ZNF415: variants seen among roughly 807,000 people sequenced by gnomAD.
The protein encoded by ZNF415 is zinc finger protein 415.
A neutral mutation model predicts 7.3 loss-of-function variants in ZNF415; 5 were observed. The observed-to-expected ratio is 0.69, with a 90% CI of 0.36 to 1.44. The LOEUF is 1.44. Among genes scored for constraint, ZNF415 ranks in the 40% most tolerant of loss-of-function variants. ZNF415 has a pLI of 0.04. For synonymous variants in ZNF415, 207 were observed against 226.3 expected, an observed-to-expected ratio of 0.91 and a Z score of 0.77; for missense variants, 628 against 664.8, an observed-to-expected ratio of 0.94 and a Z score of 0.61.
At chr19:53,113,115 C>T (rs2086474846) in intron 3 of ZNF415, among the ~76,000 whole-genome samples, 1 of 148,498 alleles carries the variant, frequency 6.7e-6, no homozygotes, top group African/African-American at 2.5e-5. Context: ...ATAAAAAATA[C>T]AGAATTTACG....
At chr19:53,123,134 T>C (rs2088415831) in intron 1 of ZNF415, among the ~76,000 whole-genome samples, 1 of 152,054 alleles carries the variant, frequency 6.6e-6, no homozygotes, top group African/African-American at 2.4e-5. Flanking sequence ...TGTTGGGCAC[T>C]GTATTATCGA....
chr19:53,125,539 T>C (rs1421899644), intron 1 of ZNF415, among the ~76,000 whole-genome samples: 1 of 152,080 alleles, frequency 6.6e-6, no homozygotes, highest in African/African-American at 2.4e-5. Flanking sequence ...GGTGTCACTA[T>C]GTTACCTAGG....
chr19:53,128,088 TCCATGCC>T lies in ZNF415; in HGVS notation c.-68+4761_-68+4767del, dbSNP rs530146860. ...GGCTCATCTAGAGGCCCACCTTGCTTCCATGCCCCTATGTGACACCTCCAAGAATGCT... is the reference window on the plus strand; with the variant it reads ...GGCTCATCTAGAGGCCCACCTTGCTTCCTATGTGACACCTCCAAGAATGCT... On this transcript the variant is annotated intron_variant, in intron 1 of 3. Coordinates refer to ENST00000243643, the MANE Select transcript of ZNF415 (RefSeq NM_018355.4). Among the ~76,000 whole-genome samples the T allele has an allele frequency of 5.9e-5, 9 of 152,092 alleles. No individual in the cohort carries two copies. In the South Asian group the frequency reaches 1.2e-3, roughly 21 times the overall value.
Position 53,130,532 on chromosome 19 carries a change from A to G in ZNF415, c.-68+2324T>C, listed in dbSNP as rs191468474. On this transcript the variant is annotated intron_variant, in intron 1 of 3. Transcript: ENST00000243643. ...AAAGTTACTTTGGAAATAATTATAT[A>G]CAGAAAAATAGAAACTGAATTAATG... 5.0e-3 allele frequency among the ~76,000 whole-genome samples: 759 copies of G among 152,370 alleles called. 12 individuals are homozygous for G. The highest frequency in any genetic ancestry group is 0.017 in the African/African-American group (725 of 41,590).
At chr19:53,124,250 AG>A in intron 1 of ZNF415, 1 of 152,532 alleles carries the variant, frequency 6.6e-6, no homozygotes, top group Non-Finnish European at 1.5e-5. Flanking sequence ...AAAAAAAAAA[AG>A]AGGTTTATTT....
At position 53,108,363 on chromosome 19, in the gene ZNF415, A is replaced by C; in HGVS notation, c.*14T>G. On this transcript the variant is annotated 3_prime_UTR_variant, in exon 4 of 4. Coordinates refer to ENST00000243643, the MANE Select transcript of ZNF415 (RefSeq NM_018355.4). ...ACTCACAGGATTTAAACTTTGACTGAAGACCTTGCCATATTAATTTCTTTT... is the reference window on the plus strand; with the variant it reads ...ACTCACAGGATTTAAACTTTGACTGCAGACCTTGCCATATTAATTTCTTTT... The C allele has an allele frequency of 6.3e-7, 1 of 1,581,576 alleles. No homozygotes were observed. Among genetic ancestry groups the C allele is most frequent in the South Asian group, 1.2e-5 (1 of 85,478 alleles).
chr19:53,116,129 G>A (rs1412169527), intron 3 of ZNF415, 184 bp downstream of exon 3: 2 of 699,126 alleles, frequency 2.9e-6, no homozygotes, highest in Non-Finnish European at 4.8e-6. Context: ...TATCATGAAG[G>A]GGTCAGAAAA....
rs1166984160 is a variant in ZNF415, at chr19:53,109,262, A to G, written c.783T>C (p.Arg261=). The G allele has an allele frequency of 3.7e-6, 6 of 1,614,180 alleles. No homozygotes were observed. The highest frequency in any genetic ancestry group is 5.1e-6 in the Non-Finnish European group (6 of 1,180,034). Reference sequence around the variant, plus strand: ...TCTCTCCAGTATGAACTCTCCAATGACGCGCAAGGTTTGATTTTTGACTAA... The same window carrying G: ...TCTCTCCAGTATGAACTCTCCAATGGCGCGCAAGGTTTGATTTTTGACTAA... The part of the protein sequence containing the change: ...KVFSQKSNLA[R]HWRVHTGEKP... Residue 261 remains arginine (R), a synonymous_variant, in exon 4 of 4, where the codon CGT becomes CGC. Transcript: ENST00000243643.
intron 3 of ZNF415, among the ~76,000 whole-genome samples, chr19:53,114,650 C>A (rs907274262): frequency 6.6e-6 from 1 of 152,172 alleles, no homozygotes; most frequent in Admixed American, 6.5e-5. Flanking sequence ...CAGAGGGATC[C>A]TAAGCTAAGA....
intron 1 of ZNF415, among the ~76,000 whole-genome samples, chr19:53,127,664 G>C (rs1336483691): frequency 6.6e-6 from 1 of 152,134 alleles, no homozygotes; most frequent in Non-Finnish European, 1.5e-5. Flanking sequence ...AGATCACGAA[G>C]TCAGGAGATC....
intron 2 of ZNF415, among the ~76,000 whole-genome samples, chr19:53,117,242 G>T (rs1049128237): frequency 6.6e-6 from 1 of 152,124 alleles, no homozygotes; most frequent in Admixed American, 6.5e-5. Flanking sequence ...GGGAGGTCGA[G>T]ACCAGTCTGA....
intron 2 of ZNF415, among the ~76,000 whole-genome samples, chr19:53,119,950 A>T (rs192772250): frequency 2.0e-3 from 308 of 151,744 alleles, no homozygotes; most frequent in African/African-American, 7.2e-3. Flanking sequence ...TCACTGCCGA[A>T]TTCTATCAAA....
chr19:53,112,510 C>T (rs2086381499), intron 3 of ZNF415, among the ~76,000 whole-genome samples: 1 of 152,178 alleles, frequency 6.6e-6, no homozygotes, highest in Non-Finnish European at 1.5e-5. Flanking sequence ...TCACTTCCTA[C>T]ACATACTGAT....
intron 2 of ZNF415, among the ~76,000 whole-genome samples, chr19:53,117,686 T>C (rs2087282974): frequency 6.6e-6 from 1 of 152,126 alleles, no homozygotes; most frequent in Non-Finnish European, 1.5e-5. Flanking sequence ...AAGCAAAGCC[T>C]GAGGGAATTC....
In ZNF415 at chr19:53,108,652, C is replaced by T. The variant is rs771713643; in HGVS notation, c.1393G>A (p.Glu465Lys). ...LTTHQVIHTG[E>K]KPYKCNQCGK... ...CATTGATTACATTTGTAAGGCTTCT[C>T]TCCAGTATGGATGACCTGATGGGTA... The change falls in exon 4 of 4, where the codon GAG becomes AAG. Residue 465 changes from glutamate to lysine, a missense_variant. Transcript: ENST00000243643. 6.2e-7 allele frequency: 1 copy of T among 1,614,204 alleles called. No individual in the cohort carries two copies. Among genetic ancestry groups the T allele is most frequent in the Non-Finnish European group, 8.5e-7 (1 of 1,180,034 alleles).
Sources: gnomAD v4.1 joint callset for allele counts (sites outside exome capture counted in the v4.1 genomes callset) on GRCh38, gnomAD v4.1.1 for gene constraint, MANE v1.5 for transcripts, NCBI Gene and HGNC (gene_info 2026-07-23, HGNC 2026-07-21) for gene names.